EID2B: variants seen among roughly 807,000 people sequenced by gnomAD.
EID2B encodes EP300 interacting inhibitor of differentiation 2B.
In EID2B, 6 loss-of-function variants were observed where a neutral mutation model predicts 5.9. The ratio of observed to expected loss-of-function variants is 1.01; its 90% CI spans 0.55 to 2.00. The LOEUF (loss-of-function observed/expected upper bound fraction) is 2.00. Among genes scored for constraint, EID2B ranks in the 30% most tolerant of loss-of-function variants. The pLI is 0.00. For synonymous variants in EID2B, 94 were observed against 104.2 expected (o/e 0.90, Z 0.60); for missense variants, 234 against 228.1 (o/e 1.03, Z -0.17).
Position 39,532,586 on chromosome 19 carries a change from G to A in EID2B, c.217C>T (p.Pro73Ser). Residue 73 changes from proline (P) to serine (S), a missense_variant, in exon 1 of 1, where the codon CCG becomes TCG. Transcript: ENST00000326282. ...GGGTCTGGCGCGGAGGCCAGGCCCG[G>A]GACGCTGCTGGGGATGGGCCCGGGC... is the stretch of plus-strand genomic sequence containing the variant. Reference protein sequence around the residue: ...PVPGPIPSSVPGLASAPDPHQ... With the variant: ...PVPGPIPSSVSGLASAPDPHQ... 1.2e-6 allele frequency: 2 copies of A among 1,613,172 alleles called. No individual in the cohort carries two copies. The highest frequency in any genetic ancestry group is 1.7e-6 in the Non-Finnish European group (2 of 1,179,830).
At position 39,532,692 on chromosome 19, in the gene EID2B, G is replaced by C. The variant is rs369438240; in HGVS notation, c.111C>G (p.Gly37=). The change falls in exon 1 of 1, where the codon GGC becomes GGG. Residue 37 remains glycine, a synonymous_variant. Coordinates refer to ENST00000326282, the MANE Select transcript of EID2B (RefSeq NM_152361.3). The part of the protein sequence containing the change: ...GVSDVLRGAV[G]GGVRVQEARE... ...GAGCCTCCTGCACCCGAACCCCGCC[G>C]CCGACTGCCCCCCGCAGTACGTCGC... 89 of 1,607,418 alleles carry C rather than the reference G, an allele frequency of 5.5e-5. No homozygotes were observed. The East Asian group carries it at 1.8e-3, about 32-fold the overall frequency.
chr19:39,532,666 C>G lies in EID2B; in HGVS notation c.137G>C (p.Arg46Pro), dbSNP rs1348234567. ...VGGGVRVQEA[R>P]EGPVAEAARS... is the part of the protein sequence containing the mutation. ...CGCAGCTTCGGCCACTGGGCCTTCC[C>G]GAGCCTCCTGCACCCGAACCCCGCC... The change falls in exon 1 of 1, where the codon CGG becomes CCG. Residue 46 changes from arginine to proline, a missense_variant. Coordinates refer to ENST00000326282, the MANE Select transcript of EID2B (RefSeq NM_152361.3). The G allele has an allele frequency of 6.2e-7, 1 of 1,607,142 alleles. No homozygotes were observed. The highest frequency in any genetic ancestry group is 1.3e-5 in the African/African-American group (1 of 74,776).
At position 39,532,197 on chromosome 19, in the gene EID2B, T is replaced by C; in HGVS notation, c.*120A>G. Reference sequence around the variant, plus strand: ...TTCAATTGCACATTGCCGTATTCCCTTCCAGTTTGCATTCCCCCTAATGAC... The same window carrying C: ...TTCAATTGCACATTGCCGTATTCCCCTCCAGTTTGCATTCCCCCTAATGAC... On this transcript the variant is annotated 3_prime_UTR_variant, in exon 1 of 1. Transcript: ENST00000326282. 7.9e-7 allele frequency: 1 copy of C among 1,258,602 alleles called. No homozygotes were observed. Among genetic ancestry groups the C allele is most frequent in the Non-Finnish European group, 1.1e-6 (1 of 914,836 alleles). 78.0% of individuals were successfully genotyped at this position (1,258,602 alleles called of 1,614,324 possible). A position where few individuals can be genotyped will look rare whatever the true frequency, so the allele number is the denominator to read the frequency against.
In EID2B at chr19:39,532,425, C is replaced by CT; in HGVS notation, c.377dup (p.Ala127GlyfsTer7). The CT allele has an allele frequency of 6.2e-7, 1 of 1,614,186 alleles. No individual in the cohort carries two copies. Among genetic ancestry groups the CT allele is most frequent in the Non-Finnish European group, 8.5e-7 (1 of 1,180,056 alleles). Reference sequence around the variant, plus strand: ...CCGCGTCAAAGGCTGCTTCCCTCGCCTTGCAGCCTTCCACAAACAGCCTGC... The same window carrying CT: ...CCGCGTCAAAGGCTGCTTCCCTCGCCTTTGCAGCCTTCCACAAACAGCCTGC... On this transcript the variant is annotated frameshift_variant, in exon 1 of 1. Transcript: ENST00000326282. LOFTEE classifies it high-confidence loss of function.
In EID2B at chr19:39,531,994, C is replaced by T. The variant is rs1005304076; in HGVS notation, c.*323G>A. On this transcript the variant is annotated 3_prime_UTR_variant, in exon 1 of 1. Transcript: ENST00000326282. ...ATTCGGCCGGGCGCGGTGGCTCACG[C>T]CTGTAAAGTAATCCCAGCACTTTGG... The T allele has an allele frequency of 2.8e-5, 8 of 285,838 alleles. No homozygotes were observed. Among genetic ancestry groups the T allele is most frequent in the South Asian group, 5.6e-5 (1 of 17,928 alleles). 17.7% of individuals were successfully genotyped at this position (285,838 alleles called of 1,614,324 possible). A position where few individuals can be genotyped will look rare whatever the true frequency, so the allele number is the denominator to read the frequency against.
At position 39,531,822 on chromosome 19, in the gene EID2B, TTC is replaced by T. The variant is rs1971965544; in HGVS notation, c.*493_*494del. On this transcript the variant is annotated 3_prime_UTR_variant, in exon 1 of 1. Transcript: ENST00000326282. Reference sequence around the variant, plus strand: ...CATCACTTAGGTTCATTTCTATGGGTTCTGTTATTGGCATTTTTTTTTTCTCA... The same window carrying T: ...CATCACTTAGGTTCATTTCTATGGGTTGTTATTGGCATTTTTTTTTTCTCA... The T allele has an allele frequency of 6.8e-6, 1 of 147,966 alleles. No homozygotes were observed. The highest frequency in any genetic ancestry group is 2.6e-5 in the African/African-American group (1 of 39,170). The allele number at this position is 147,966 out of a possible 1,614,324, so 9.2% of individuals were successfully genotyped here.
At position 39,532,079 on chromosome 19, in the gene EID2B, G is replaced by C; in HGVS notation, c.*238C>G. 1 of 539,562 alleles carries C rather than the reference G, an allele frequency of 1.9e-6. No individual in the cohort carries two copies. Among genetic ancestry groups the C allele is most frequent in the Admixed American group, 3.5e-5 (1 of 28,570 alleles). The allele number at this position is 539,562 out of a possible 1,614,324, so 33.4% of individuals were successfully genotyped here. ...GTTCGGGACCAGCCTAGGGATGCGA[G>C]ACTCCCTTCTCTATTTAAATAATAC... On this transcript the variant is annotated 3_prime_UTR_variant, in exon 1 of 1. Transcript: ENST00000326282.
rs919167631 is a variant in EID2B, at chr19:39,532,713, G to A, written c.90C>T (p.Asp30=). The change falls in exon 1 of 1, where the codon GAC becomes GAT. Residue 30 remains aspartate (D), a synonymous_variant. Transcript: ENST00000326282. Reference sequence around the variant, plus strand: ...CGCCGCCGACTGCCCCCCGCAGTACGTCGCTGACGCCACTCGCGGTGCCCA... The same window carrying A: ...CGCCGCCGACTGCCCCCCGCAGTACATCGCTGACGCCACTCGCGGTGCCCA... ...PQVGTASGVS[D]VLRGAVGGGV... is the part of the protein sequence containing the mutation. The A allele has an allele frequency of 5.6e-6, 9 of 1,609,812 alleles. No individual in the cohort carries two copies. In the African/African-American group the frequency reaches 9.3e-5, roughly 17 times the overall value.
In EID2B at chr19:39,532,806, C is replaced by A. The variant is rs775239667; in HGVS notation, c.-4G>T. 11 of 1,608,540 alleles carry A rather than the reference C, an allele frequency of 6.8e-6. No homozygotes were observed. The South Asian group carries it at 8.8e-5, about 13-fold the overall frequency. The stretch of plus-strand genomic sequence containing the variant: ...ACAGCCCAGTCGGCTCCGCCATAGT[C>A]CCAGCGTTTCTACGGAGACTGGAAT... On this transcript the variant is annotated 5_prime_UTR_variant, in exon 1 of 1. Transcript: ENST00000326282.
Position 39,532,423 on chromosome 19 carries a change from G to A in EID2B, c.380C>T (p.Ala127Val). The change falls in exon 1 of 1, where the codon GCG becomes GTG. Residue 127 changes from alanine to valine, a missense_variant. Coordinates refer to ENST00000326282, the MANE Select transcript of EID2B (RefSeq NM_152361.3). ...ATCCGCGTCAAAGGCTGCTTCCCTC[G>A]CCTTGCAGCCTTCCACAAACAGCCT... is the stretch of plus-strand genomic sequence containing the variant. ...RRRLFVEGCK[A>V]REAAFDADPP... 1.2e-6 allele frequency: 2 copies of A among 1,614,124 alleles called. No individual in the cohort carries two copies. The highest frequency in any genetic ancestry group is 3.3e-5 in the Admixed American group (2 of 60,018).
rs1186882108 is a variant in EID2B, at chr19:39,532,186, GC to G, written c.*130del. 1 of 1,077,742 alleles carries G rather than the reference GC, an allele frequency of 9.3e-7. No individual in the cohort carries two copies. The highest frequency in any genetic ancestry group is 1.6e-5 in the African/African-American group (1 of 62,802). The allele number at this position is 1,077,742 out of a possible 1,614,324, so 66.8% of individuals were successfully genotyped here. ...GTGCTTCCTCCTTCAATTGCACATTGCCGTATTCCCTTCCAGTTTGCATTCC... is the reference window on the plus strand; with the variant it reads ...GTGCTTCCTCCTTCAATTGCACATTGCGTATTCCCTTCCAGTTTGCATTCC... On this transcript the variant is annotated 3_prime_UTR_variant, in exon 1 of 1. Coordinates refer to ENST00000326282, the MANE Select transcript of EID2B (RefSeq NM_152361.3).
chr19:39,532,636 G>A lies in EID2B; in HGVS notation c.167C>T (p.Ser56Phe), dbSNP rs752535802. 6.8e-6 allele frequency: 11 copies of A among 1,608,584 alleles called. No homozygotes were observed. In the South Asian group the frequency reaches 1.2e-4, roughly 18 times the overall value. The change falls in exon 1 of 1, where the codon TCC becomes TTC. Residue 56 changes from serine to phenylalanine, a missense_variant. Coordinates refer to ENST00000326282, the MANE Select transcript of EID2B (RefSeq NM_152361.3). ...REGPVAEAAR[S>F]MARMPGPVPG... Reference sequence around the variant, plus strand: ...CACAGGGCCCGGCATCCGCGCCATGGACCGCGCAGCTTCGGCCACTGGGCC... The same window carrying A: ...CACAGGGCCCGGCATCCGCGCCATGAACCGCGCAGCTTCGGCCACTGGGCC...
In EID2B at chr19:39,532,835, G is replaced by C. The variant is rs549142648; in HGVS notation, c.-33C>G. On this transcript the variant is annotated 5_prime_UTR_variant, in exon 1 of 1. Transcript: ENST00000326282. Reference sequence around the variant, plus strand: ...GCGTTTCTACGGAGACTGGAATAACGGCACTGCACTGCTGTATGCGAGACC... The same window carrying C: ...GCGTTTCTACGGAGACTGGAATAACCGCACTGCACTGCTGTATGCGAGACC... The C allele has an allele frequency of 8.7e-6, 14 of 1,602,464 alleles. No individual in the cohort carries two copies. The highest frequency in any genetic ancestry group is 1.6e-4 in the Middle Eastern group (1 of 6,072).
rs775839575 is a variant in EID2B at position 39,532,608 on chromosome 19, G to A, written c.195C>T (p.Pro65=). ...RSMARMPGPV[P]GPIPSSVPGL... ...CCGGGACGCTGCTGGGGATGGGCCC[G>A]GGCACAGGGCCCGGCATCCGCGCCA... The change falls in exon 1 of 1, where the codon CCC becomes CCT. Residue 65 remains proline, a synonymous_variant. Coordinates refer to ENST00000326282, the MANE Select transcript of EID2B (RefSeq NM_152361.3). 6.2e-6 allele frequency: 10 copies of A among 1,610,724 alleles called. No homozygotes were observed. Among genetic ancestry groups the A allele is most frequent in the Admixed American group, 5.0e-5 (3 of 59,774 alleles).
chr19:39,531,716 CAA>C lies in EID2B; in HGVS notation c.*599_*600del, dbSNP rs1430774797. On this transcript the variant is annotated 3_prime_UTR_variant, in exon 1 of 1. Transcript: ENST00000326282. ...GACATGACCACAAATTGTGAAATTT[CAA>C]AGTCCTCTCAATAGCCTTCCAATCC... The C allele has an allele frequency of 2.0e-5, 3 of 152,210 alleles. No individual in the cohort carries two copies. Among genetic ancestry groups the C allele is most frequent in the African/African-American group, 7.2e-5 (3 of 41,456 alleles). 9.4% of individuals were successfully genotyped at this position (152,210 alleles called of 1,614,324 possible).
Position 39,532,470 on chromosome 19 carries a change from T to C in EID2B, c.333A>G (p.Leu111=). 6.2e-7 allele frequency: 1 copy of C among 1,614,182 alleles called. No homozygotes were observed. The highest frequency in any genetic ancestry group is 8.5e-7 in the Non-Finnish European group (1 of 1,180,046). The change falls in exon 1 of 1, where the codon CTA becomes CTG. Residue 111 remains leucine (L), a synonymous_variant. Transcript: ENST00000326282. ...GCCTGCGGCGTTCCTCGAAATCCCG[T>C]AGTAATCTGACCGGAATCATGGAGC... The part of the protein sequence containing the change: ...DGSSMIPVRL[L]RDFEERRRLF...
rs199510698 is a variant in EID2B, at chr19:39,532,401, C to T, written c.402G>A (p.Ala134=). The T allele has an allele frequency of 6.8e-6, 11 of 1,614,182 alleles. No homozygotes were observed. The East Asian group carries it at 1.6e-4, about 23-fold the overall frequency. The change falls in exon 1 of 1, where the codon GCG becomes GCA. Residue 134 remains alanine (A), a synonymous_variant. Transcript: ENST00000326282. ...CAGCGAAGTCCATCTGCGGGGGATC[C>T]GCGTCAAAGGCTGCTTCCCTCGCCT... The part of the protein sequence containing the change: ...GCKAREAAFD[A]DPPQMDFAAV...
chr19:39,532,314 G>C lies in EID2B; in HGVS notation c.*3C>G. ...TGCCACCAATGTCATCATCACAGCC[G>C]ACTCAGTCGGCCAGAGGACTGAGGG... is the stretch of plus-strand genomic sequence containing the variant. On this transcript the variant is annotated 3_prime_UTR_variant, in exon 1 of 1. Transcript: ENST00000326282. The C allele has an allele frequency of 6.2e-7, 1 of 1,610,088 alleles. No individual in the cohort carries two copies. The highest frequency in any genetic ancestry group is 8.5e-7 in the Non-Finnish European group (1 of 1,176,974).
Position 39,532,425 on chromosome 19 carries a change from C to A in EID2B, c.378G>T (p.Lys126Asn), listed in dbSNP as rs761963166. 3 of 1,614,068 alleles carry A rather than the reference C, an allele frequency of 1.9e-6. No individual in the cohort carries two copies. In the South Asian group the frequency reaches 3.3e-5, roughly 18 times the overall value. Residue 126 changes from lysine to asparagine, a missense_variant, in exon 1 of 1, where the codon AAG becomes AAT. Lys to Asn is a moderately conservative substitution (Grantham distance 94). Transcript: ENST00000326282. ...ERRRLFVEGC[K>N]AREAAFDADP... The stretch of plus-strand genomic sequence containing the variant: ...CCGCGTCAAAGGCTGCTTCCCTCGC[C>A]TTGCAGCCTTCCACAAACAGCCTGC...
Sources: allele counts gnomAD v4.1 joint callset, GRCh38; gene constraint gnomAD v4.1.1; transcripts MANE v1.5; gene names NCBI Gene and HGNC (gene_info 2026-07-23, HGNC 2026-07-21).